Variants in PRR16 observed in about 807,000 individuals in gnomAD.
PRR16 encodes the protein proline rich 16.
Under a neutral mutation model 18.2 loss-of-function variants are expected in PRR16, and 6 were observed. The observed-to-expected ratio is 0.33, with a 90% CI of 0.18 to 0.65. The LOEUF is 0.65. PRR16 is among the 30% of genes least tolerant of loss of function. The pLI is 0.74. For synonymous variants in PRR16, 151 were observed against 147.8 expected (o/e 1.02, Z -0.16); for missense variants, 412 against 376.6 (o/e 1.09, Z -0.78).
the PRR16 span, among the ~76,000 whole-genome samples, chr5:120,726,068 A>G: frequency 7.4e-4 from 113 of 152,180 alleles, no homozygotes; most frequent in African/African-American, 2.6e-3. Context: ...TGTTCATTTT[A>G]TGCCATTAAA....
At chr5:120,490,913 G>A (rs540782079) in intron 1 of PRR16, among the ~76,000 whole-genome samples, 1 of 152,128 alleles carries the variant, frequency 6.6e-6, no homozygotes, top group Non-Finnish European at 1.5e-5. Flanking sequence ...TTTGCTGGAG[G>A]TCCACTCCAG....
chr5:120,717,939 T>C, the PRR16 span, among the ~76,000 whole-genome samples: 1 of 152,170 alleles, frequency 6.6e-6, no homozygotes, highest in Non-Finnish European at 1.5e-5. Context: ...GTACTAAATA[T>C]GTAAAGTAGC....
intron 1 of PRR16, among the ~76,000 whole-genome samples, chr5:120,532,235 A>G (rs981563497): frequency 3.3e-5 from 5 of 152,166 alleles, no homozygotes; most frequent in African/African-American, 4.8e-5. Flanking sequence ...AGGTAAAGAT[A>G]TTATACAAGT....
chr5:120,687,361 A>C (rs1455960225), downstream of PRR16: 1 of 152,204 alleles, frequency 6.6e-6, no homozygotes, highest in Non-Finnish European at 1.5e-5. Context: ...AATCTCACTT[A>C]ACATTCCTCA....
the PRR16 span, among the ~76,000 whole-genome samples, chr5:120,738,199 GC>G: frequency 1.3e-5 from 2 of 152,144 alleles, no homozygotes; most frequent in East Asian, 1.9e-4. Context: ...TTATTTGACA[GC>G]CTTTTGTAAA....
At chr5:120,518,126 C>CT (rs1365156452) in intron 1 of PRR16, among the ~76,000 whole-genome samples, 2 of 152,066 alleles carry the variant, frequency 1.3e-5, no homozygotes, top group Non-Finnish European at 2.9e-5. Flanking sequence ...TTACGTCAAT[C>CT]TTTTTTATCT....
In PRR16 at chr5:120,660,916, T is replaced by G. The variant is rs138057023; in HGVS notation, c.160-25038T>G. The stretch of plus-strand genomic sequence containing the variant: ...GTGTCAAGTATATCGTCAAGTCATT[T>G]TGCTTTTTTATTTGTGTGTTTGTTT... On this transcript the variant is annotated intron_variant, in intron 1 of 1. Transcript: ENST00000407149. Among the ~76,000 whole-genome samples the G allele has an allele frequency of 4.0e-3, 612 of 152,242 alleles. 7 individuals are homozygous for G. Among genetic ancestry groups the G allele is most frequent in the African/African-American group, 0.014 (588 of 41,566 alleles).
At chr5:120,761,281 G>A in the PRR16 span, among the ~76,000 whole-genome samples, 1 of 151,828 alleles carries the variant, frequency 6.6e-6, no homozygotes, top group Non-Finnish European at 1.5e-5. Flanking sequence ...ATTTCTCATG[G>A]CCTGAACTTT....
At chr5:120,584,404 A>G (rs138048934) in intron 1 of PRR16, among the ~76,000 whole-genome samples, 2 of 152,170 alleles carry the variant, frequency 1.3e-5, no homozygotes, top group Non-Finnish European at 2.9e-5. Flanking sequence ...CTAGCTAAAT[A>G]TAGGGTAATA....
At chr5:120,466,213 C>G (rs1322231984) in intron 1 of PRR16, among the ~76,000 whole-genome samples, 2 of 152,164 alleles carry the variant, frequency 1.3e-5, no homozygotes, top group Non-Finnish European at 2.9e-5. Flanking sequence ...CATTGAAATT[C>G]AATTCTAAAA....
chr5:120,495,485 A>C (rs558866148), intron 1 of PRR16, among the ~76,000 whole-genome samples: 1 of 152,130 alleles, frequency 6.6e-6, no homozygotes, highest in Non-Finnish European at 1.5e-5. Context: ...TACAATGCCT[A>C]CAATATCACT....
chr5:120,480,603 A>C (rs997755962), intron 1 of PRR16, among the ~76,000 whole-genome samples: 1 of 152,186 alleles, frequency 6.6e-6, no homozygotes, highest in Non-Finnish European at 1.5e-5. Context: ...CTTAGATTTG[A>C]AATGTTTCTA....
intron 1 of PRR16, among the ~76,000 whole-genome samples, chr5:120,585,588 A>C (rs1122319): frequency 0.35 from 52,773 of 150,870 alleles, 9,800 homozygotes; most frequent in East Asian, 0.73. Context: ...CGTTCACTCC[A>C]GCCTGGCAGA....
the PRR16 span, among the ~76,000 whole-genome samples, chr5:120,745,273 C>A: frequency 1.2e-4 from 18 of 152,174 alleles, no homozygotes; most frequent in African/African-American, 4.3e-4. Context: ...TGCATGGGAT[C>A]TTGCTTCTGA....
intron 1 of PRR16, among the ~76,000 whole-genome samples, chr5:120,525,683 AT>A (rs1751323818): frequency 6.6e-6 from 1 of 151,456 alleles, no homozygotes; most frequent in Non-Finnish European, 1.5e-5. Flanking sequence ...GTCTTGTGAA[AT>A]TTTTACTTGA....
At chr5:120,687,698 A>G (rs4895272), downstream of PRR16, among the ~76,000 whole-genome samples, 17,701 of 152,216 alleles carry the variant, frequency 0.12, 1,212 homozygotes, top group Non-Finnish European at 0.14. Context: ...TGCTTCTGGT[A>G]TCAGGATGTG....
At chr5:120,782,604 G>A in the PRR16 span, among the ~76,000 whole-genome samples, 2 of 152,006 alleles carry the variant, frequency 1.3e-5, no homozygotes, top group Non-Finnish European at 2.9e-5. Context: ...TACAAGGTAG[G>A]GCTCCAGGGA....
intron 1 of PRR16, among the ~76,000 whole-genome samples, chr5:120,666,300 A>G (rs1345409560): frequency 2.0e-5 from 3 of 152,192 alleles, no homozygotes; most frequent in South Asian, 2.1e-4. Context: ...ATTTTTGTAC[A>G]TTGATTTTGT....
At chr5:120,530,275 ATATATATATTTATTTATT>A (rs1451449250) in intron 1 of PRR16, among the ~76,000 whole-genome samples, 2 of 125,570 alleles carry the variant, frequency 1.6e-5, no homozygotes, top group South Asian at 2.4e-4. Context: ...ATATATATAT[ATATATATATTTATTTATT>A]TATTTATTTA....
Sources: gnomAD v4.1 joint callset for allele counts (sites outside exome capture counted in the v4.1 genomes callset) on GRCh38, gnomAD v4.1.1 for gene constraint, MANE v1.5 for transcripts, NCBI Gene and HGNC (gene_info 2026-07-23, HGNC 2026-07-21) for gene names.